WDR91: variants seen among roughly 807,000 people sequenced by gnomAD.
The protein encoded by WDR91 is WD repeat domain 91.
In WDR91, 52 loss-of-function variants were observed where a neutral mutation model predicts 88.4. That is an observed-to-expected ratio of 0.59 (90% CI 0.47 to 0.74). The LOEUF is 0.74. WDR91 is among the 30% of genes least tolerant of loss of function. The pLI, the probability that WDR91 is intolerant of heterozygous loss-of-function variation, is 0.00. For synonymous variants in WDR91, 362 were observed against 389.5 expected (o/e 0.93, Z 0.83); for missense variants, 824 against 954.5 (o/e 0.86, Z 1.80).
Position 135,186,049 on chromosome 7 carries a change from A to G in WDR91, c.*102T>C. The G allele has an allele frequency of 1.5e-6, 2 of 1,328,930 alleles. No homozygotes were observed. The highest frequency in any genetic ancestry group is 2.0e-6 in the Non-Finnish European group (2 of 993,926). The allele number at this position is 1,328,930 out of a possible 1,614,324, so 82.3% of individuals were successfully genotyped here. A position where few individuals can be genotyped will look rare whatever the true frequency, so the allele number is the denominator to read the frequency against. ...CAGTCTTTCCCTGCAGAGTCACTGC[A>G]CTGGCAGGGAGCTGGAGTGGAGCAC... On this transcript the variant is annotated 3_prime_UTR_variant, in exon 15 of 15. Coordinates refer to ENST00000354475, the MANE Select transcript of WDR91 (RefSeq NM_014149.4).
At chr7:135,188,872 A>G (rs778058871) in intron 12 of WDR91, among the ~76,000 whole-genome samples, 23 of 152,128 alleles carry the variant, frequency 1.5e-4, no homozygotes, top group Non-Finnish European at 3.1e-4. Context: ...GAATCCCCTA[A>G]AGATACAGTT....
chr7:135,210,855 G>C (rs1463980961), intron 1 of WDR91: 2 of 703,564 alleles, frequency 2.8e-6, no homozygotes, highest in Non-Finnish European at 5.2e-6. Flanking sequence ...AATCATTTTA[G>C]AGCAGGGGAA....
intron 13 of WDR91, 71 bp downstream of exon 13, chr7:135,188,362 T>C: frequency 1.5e-6 from 2 of 1,319,712 alleles, no homozygotes; most frequent in Non-Finnish European, 2.2e-6. Flanking sequence ...TAGTAACAGG[T>C]ATGGCCACAA....
At chr7:135,186,884 C>G (rs1006568742) in intron 14 of WDR91, 88 bp downstream of exon 14, 3 of 1,501,616 alleles carry the variant, frequency 2.0e-6, no homozygotes, top group Middle Eastern at 2.4e-4. Context: ...GGGTAGAGGG[C>G]CTCGCTCAGT....
At chr7:135,201,339 C>T (rs575402062) in intron 6 of WDR91, 5 of 120,016 alleles carry the variant, frequency 4.2e-5, no homozygotes, top group Middle Eastern at 4.5e-3. Flanking sequence ...AGTGTGGTTT[C>T]GCAGTTATTT....
rs542596402 is a variant in WDR91 at position 135,206,677 on chromosome 7, A to C, written c.594+443T>G. 2.0e-4 allele frequency among the ~76,000 whole-genome samples: 31 copies of C among 151,908 alleles called. 1 individual carries two copies. The highest frequency in any genetic ancestry group is 3.4e-4 in the Non-Finnish European group (23 of 67,992). On this transcript the variant is annotated intron_variant, in intron 4 of 14. Transcript: ENST00000354475. Reference sequence around the variant, plus strand: ...AGAAGCATATAGCTGAGTAGGAACAACTAAATTATATATGGGTTATAAACT... The same window carrying C: ...AGAAGCATATAGCTGAGTAGGAACACCTAAATTATATATGGGTTATAAACT...
intron 7 of WDR91, 26 bp downstream of exon 7, chr7:135,197,967 C>T: frequency 6.2e-7 from 1 of 1,610,028 alleles, no homozygotes; most frequent in East Asian, 2.2e-5. Context: ...TGAGTGTCCC[C>T]AGGGGTGTTC....
intron 5 of WDR91, 29 bp downstream of exon 5, chr7:135,205,899 A>G (rs757778232): frequency 2.2e-5 from 35 of 1,612,058 alleles, no homozygotes; most frequent in Admixed American, 8.3e-5. Flanking sequence ...GAGGGCAAAG[A>G]AAAGGAAAGG....
Position 135,195,024 on chromosome 7 carries a change from C to T in WDR91, c.1305G>A (p.Trp435Ter), listed in dbSNP as rs1334498067. The T allele has an allele frequency of 1.2e-6, 2 of 1,614,110 alleles. No individual in the cohort carries two copies. The highest frequency in any genetic ancestry group is 1.7e-5 in the Admixed American group (1 of 60,020). Residue 435 changes from tryptophan to a stop codon, truncating the protein, a stop_gained, in exon 9 of 15, where the codon TGG (tryptophan) becomes TGA (stop). Transcript: ENST00000354475. LOFTEE classifies it high-confidence loss of function. ...TGGTCTGCATGATGGGGTTGAAGGACCACACTTTGATGACCCCATCTACGT... is the reference window on the plus strand; with the variant it reads ...TGGTCTGCATGATGGGGTTGAAGGATCACACTTTGATGACCCCATCTACGT... ...SLDVDGVIKV[W>*]SFNPIMQTKA...
At position 135,188,439 on chromosome 7, in the gene WDR91, G is replaced by A. The variant is rs376320607; in HGVS notation, c.1875C>T (p.Asp625=). 2.7e-5 allele frequency: 43 copies of A among 1,613,736 alleles called. No homozygotes were observed. Among genetic ancestry groups the A allele is most frequent in the East Asian group, 1.8e-4 (8 of 44,866 alleles). ...GAATCCTGCAGCCGCCTACCTTCCC[G>A]TCCTCGCCGATGCTGTACACGGTGT... is the stretch of plus-strand genomic sequence containing the variant. ...DENTVYSIGE[D]GKFIQWNIHK... Residue 625 remains aspartate, a synonymous_variant, in exon 13 of 15, where the codon GAC becomes GAT. Coordinates refer to ENST00000354475, the MANE Select transcript of WDR91 (RefSeq NM_014149.4).
intron 13 of WDR91, 31 bp downstream of exon 13, chr7:135,188,402 G>A (rs1057391559): frequency 1.9e-6 from 3 of 1,588,598 alleles, no homozygotes; most frequent in Non-Finnish European, 2.6e-6. Context: ...TCATCCCGGT[G>A]CTCTCTTATC....
At chr7:135,203,833 G>A (rs934892023) in intron 6 of WDR91, among the ~76,000 whole-genome samples, 3 of 152,232 alleles carry the variant, frequency 2.0e-5, no homozygotes, top group Admixed American at 1.3e-4. Context: ...AGACTTCAGA[G>A]AACTGGCACA....
At chr7:135,194,803 G>T in intron 9 of WDR91, 131 bp downstream of exon 9, 2 of 1,266,738 alleles carry the variant, frequency 1.6e-6, no homozygotes, top group South Asian at 1.4e-5. Flanking sequence ...CTGGATGTGT[G>T]TCCCTGAATC....
intron 12 of WDR91, 143 bp downstream of exon 12, chr7:135,189,201 A>C: frequency 1.6e-6 from 1 of 642,584 alleles, no homozygotes; most frequent in Non-Finnish European, 2.7e-6. Flanking sequence ...AACGTTGACC[A>C]AAGTTAAGCT....
chr7:135,192,118 T>TTG (rs1831191052), intron 11 of WDR91, among the ~76,000 whole-genome samples: 3 of 138,096 alleles, frequency 2.2e-5, no homozygotes, highest in Non-Finnish European at 4.7e-5. Flanking sequence ...GTTTTTTTTT[T>TTG]TTTTTTTTTT....
intron 14 of WDR91, among the ~76,000 whole-genome samples, chr7:135,186,584 T>C (rs1562942821): frequency 1.3e-5 from 2 of 152,240 alleles, no homozygotes; most frequent in South Asian, 2.1e-4. Flanking sequence ...CTGGTGCCTC[T>C]TGCACGCACA....
chr7:135,198,826 T>C (rs1585422314), intron 6 of WDR91: 1 of 152,190 alleles, frequency 6.6e-6, no homozygotes, highest in Non-Finnish European at 1.5e-5. Flanking sequence ...GGGGATGAAT[T>C]TGATCATCCC....
intron 5 of WDR91, 99 bp from the exon 6 acceptor site, chr7:135,204,532 G>A: frequency 7.3e-7 from 1 of 1,361,290 alleles, no homozygotes; most frequent in Non-Finnish European, 1.0e-6. Flanking sequence ...TAAGTGACCA[G>A]GCCTGGGTCA....
chr7:135,208,249 C>T (rs1831878014), intron 3 of WDR91, among the ~76,000 whole-genome samples: 1 of 152,174 alleles, frequency 6.6e-6, no homozygotes. Context: ...TATTTACCTG[C>T]ATTCTCATTC....
Sources: allele counts gnomAD v4.1 joint callset (sites outside exome capture counted in the v4.1 genomes callset), GRCh38; gene constraint gnomAD v4.1.1; transcripts MANE v1.5; gene names NCBI Gene and HGNC (gene_info 2026-07-23, HGNC 2026-07-21).